Variants in PLXDC2 observed in about 807,000 individuals in gnomAD.
The protein encoded by PLXDC2 is plexin domain-containing protein 2.
Under a neutral mutation model 68.9 loss-of-function variants are expected in PLXDC2, and 40 were observed. The ratio of observed to expected loss-of-function variants is 0.58; its 90% CI spans 0.45 to 0.76. The LOEUF is 0.76. PLXDC2 is among the 30% of genes least tolerant of loss of function. The pLI, the probability that PLXDC2 is intolerant of heterozygous loss-of-function variation, is 0.00. For missense variants in PLXDC2, 644 were observed against 661.9 expected (o/e 0.97, Z 0.30); for synonymous variants, 243 against 234.2 (o/e 1.04, Z -0.34).
intron 2 of PLXDC2, among the ~76,000 whole-genome samples, chr10:20,028,926 A>G (rs990505667): frequency 7.2e-5 from 11 of 152,190 alleles, no homozygotes; most frequent in African/African-American, 2.7e-4. Context: ...CGGGACAGAC[A>G]TTCGAGGCTT....
chr10:20,101,181 G>T (rs1226319680), intron 4 of PLXDC2, among the ~76,000 whole-genome samples: 7 of 152,300 alleles, frequency 4.6e-5, no homozygotes, highest in Admixed American at 2.6e-4. Flanking sequence ...ATAAAGATTT[G>T]AGAGGATGGG....
intron 4 of PLXDC2, among the ~76,000 whole-genome samples, chr10:20,123,889 G>A (rs1159040480): frequency 2.6e-5 from 4 of 151,886 alleles, no homozygotes; most frequent in East Asian, 1.9e-4. Flanking sequence ...ATAAGAGCTT[G>A]GGGCACGGAA....
intron 9 of PLXDC2, among the ~76,000 whole-genome samples, chr10:20,180,941 G>A (rs1014400597): frequency 3.3e-5 from 5 of 152,006 alleles, no homozygotes; most frequent in Admixed American, 6.6e-5. Context: ...AAAAATCTGT[G>A]AGTGTCTCTG....
chr10:19,991,535 A>G (rs1382335400), intron 1 of PLXDC2, among the ~76,000 whole-genome samples: 3 of 152,184 alleles, frequency 2.0e-5, no homozygotes, highest in African/African-American at 7.2e-5. Flanking sequence ...TAATGGGGTT[A>G]TGATTTATCT....
intron 4 of PLXDC2, among the ~76,000 whole-genome samples, chr10:20,117,051 G>GAA (rs5783719): frequency 5.4e-5 from 8 of 148,266 alleles, no homozygotes; most frequent in African/African-American, 2.0e-4. Context: ...CCTTAAAAAT[G>GAA]AAAAAAAAAA....
intron 9 of PLXDC2, among the ~76,000 whole-genome samples, chr10:20,180,370 C>T (rs1834586861): frequency 6.6e-6 from 1 of 152,056 alleles, no homozygotes; most frequent in Non-Finnish European, 1.5e-5. Context: ...ATCGGTTTAA[C>T]TATGCCTCAT....
chr10:20,163,311 T>G (rs1432125816), intron 6 of PLXDC2, among the ~76,000 whole-genome samples: 4 of 152,200 alleles, frequency 2.6e-5, no homozygotes, highest in African/African-American at 9.6e-5. Flanking sequence ...CAATGAACTT[T>G]TTTCTTAATT....
chr10:20,174,103 A>G (rs955087817), intron 7 of PLXDC2, among the ~76,000 whole-genome samples: 3 of 152,178 alleles, frequency 2.0e-5, no homozygotes, highest in African/African-American at 7.2e-5. Context: ...AAGGAATAGT[A>G]GTATTTTAAG....
intron 4 of PLXDC2, among the ~76,000 whole-genome samples, chr10:20,136,924 CA>C (rs1225864267): frequency 6.6e-6 from 1 of 152,188 alleles, no homozygotes; most frequent in Non-Finnish European, 1.5e-5. Context: ...TCCAATTAAA[CA>C]AAACAACCAC....
chr10:19,976,481 G>T (rs1834458526), intron 1 of PLXDC2, among the ~76,000 whole-genome samples: 1 of 152,148 alleles, frequency 6.6e-6, no homozygotes. Context: ...CCAAAGTGCT[G>T]GGATTACAGG....
intron 1 of PLXDC2, among the ~76,000 whole-genome samples, chr10:19,864,910 G>A (rs964072614): frequency 2.6e-5 from 4 of 152,152 alleles, no homozygotes; most frequent in Non-Finnish European, 4.4e-5. Flanking sequence ...GTTTGGGAGG[G>A]TAAGTGAGAG....
rs1837031918 is a variant in PLXDC2, at chr10:19,847,590, C to CA, written c.112+30401dup. On this transcript the variant is annotated intron_variant, in intron 1 of 13. Coordinates refer to ENST00000377252, the MANE Select transcript of PLXDC2 (RefSeq NM_032812.9). ...TGGAGCCCAGCAAACTGAACCTTAACAAGCCTCCGGGAAATTCCATACACA... is the reference window on the plus strand; with the variant it reads ...TGGAGCCCAGCAAACTGAACCTTAACAAAGCCTCCGGGAAATTCCATACACA... Among the ~76,000 whole-genome samples, 4 of 152,210 alleles carry CA rather than the reference C, an allele frequency of 2.6e-5. No individual in the cohort carries two copies. In the South Asian group the frequency reaches 8.3e-4, roughly 32 times the overall value.
At chr10:20,083,098 A>G (rs773562229) in intron 4 of PLXDC2, among the ~76,000 whole-genome samples, 2 of 152,142 alleles carry the variant, frequency 1.3e-5, no homozygotes, top group Non-Finnish European at 2.9e-5. Context: ...AATAGTGGTA[A>G]CCCCCTAAGA....
At chr10:20,272,432 A>C (rs2778963) in intron 13 of PLXDC2, among the ~76,000 whole-genome samples, 92,004 of 151,866 alleles carry the variant, frequency 0.61, 28,648 homozygotes, top group Middle Eastern at 0.77. Context: ...TTATTTAAAA[A>C]AATGAAGTCA....
intron 1 of PLXDC2, among the ~76,000 whole-genome samples, chr10:19,851,757 A>AG (rs1375123729): frequency 6.6e-6 from 1 of 152,150 alleles, no homozygotes; most frequent in Non-Finnish European, 1.5e-5. Flanking sequence ...GGTGTTGGCC[A>AG]GGCTGGTCAC....
At chr10:19,864,707 A>C (rs747232420) in intron 1 of PLXDC2, among the ~76,000 whole-genome samples, 7 of 152,166 alleles carry the variant, frequency 4.6e-5, no homozygotes, top group Non-Finnish European at 7.3e-5. Context: ...CTAGGCAATG[A>C]AGATGCAATG....
intron 1 of PLXDC2, among the ~76,000 whole-genome samples, chr10:19,983,815 G>A (rs948008304): frequency 2.0e-5 from 3 of 152,124 alleles, no homozygotes; most frequent in East Asian, 1.9e-4. Context: ...TGGACCTCCC[G>A]AGTCAGATCT....
At chr10:20,072,561 G>C (rs956338798) in intron 4 of PLXDC2, among the ~76,000 whole-genome samples, 4 of 125,410 alleles carry the variant, frequency 3.2e-5, no homozygotes, top group Non-Finnish European at 6.6e-5. Flanking sequence ...GAAAAGGAAA[G>C]AAAGGAAGAA....
chr10:20,063,984 T>A (rs1332036916), intron 3 of PLXDC2, among the ~76,000 whole-genome samples: 2 of 152,200 alleles, frequency 1.3e-5, no homozygotes, highest in African/African-American at 4.8e-5. Flanking sequence ...TTTTAAGAAA[T>A]TAGTTAGCAA....
Sources: allele counts gnomAD v4.1 joint callset (sites outside exome capture counted in the v4.1 genomes callset), GRCh38; gene constraint gnomAD v4.1.1; transcripts MANE v1.5; gene names NCBI Gene and HGNC (gene_info 2026-07-23, HGNC 2026-07-21).